Variants in MLN observed in about 807,000 individuals in gnomAD.
The protein encoded by MLN is promotilin.
MLN carries 14 observed loss-of-function variants against 13.3 expected under a neutral mutation model. That is an observed-to-expected ratio of 1.05 (90% CI 0.69 to 1.64). The LOEUF (loss-of-function observed/expected upper bound fraction) is 1.64, where lower values mean the gene tolerates loss of function less well. Ranked by LOEUF, MLN falls within the 40% of genes most tolerant of loss-of-function variation. MLN has a pLI of 0.00. For missense variants in MLN, 122 were observed against 142.9 expected (o/e 0.85, Z 0.75); for synonymous variants, 59 against 54.7 (o/e 1.08, Z -0.34).
chr6:33,797,040 G>A (rs1409312664), intron 3 of MLN, among the ~76,000 whole-genome samples: 1 of 152,208 alleles, frequency 6.6e-6, no homozygotes. Context: ...GATATGGGGG[G>A]AAAGGGGCCC....
chr6:33,802,559 C>G (rs990086584), intron 1 of MLN, among the ~76,000 whole-genome samples: 1 of 152,214 alleles, frequency 6.6e-6, no homozygotes, highest in Non-Finnish European at 1.5e-5. Context: ...CCCTACCACG[C>G]CAGACGCTCC....
intron 1 of MLN, among the ~76,000 whole-genome samples, chr6:33,801,687 A>G (rs1263603429): frequency 3.3e-5 from 5 of 152,184 alleles, no homozygotes; most frequent in Non-Finnish European, 7.4e-5. Context: ...AGCCTCTGCC[A>G]TTGCAAAGGA....
At chr6:33,796,014 CAGTGGCGCGATCTCGGCTCA>C (rs1228414884) in intron 3 of MLN, among the ~76,000 whole-genome samples, 1 of 143,752 alleles carries the variant, frequency 7.0e-6, no homozygotes, top group Admixed American at 7.3e-5. Flanking sequence ...GGCTGGAGTG[CAGTGGCGCGATCTCGGCTCA>C]CTGCAAGCTC....
At chr6:33,796,350 C>T (rs1767923329) in intron 3 of MLN, among the ~76,000 whole-genome samples, 1 of 151,324 alleles carries the variant, frequency 6.6e-6, no homozygotes, top group African/African-American at 2.5e-5. Flanking sequence ...ACGGTACACC[C>T]AAGGGGCCTG....
chr6:33,800,989 G>T, intron 2 of MLN, 58 bp downstream of exon 2: 1 of 1,325,418 alleles, frequency 7.5e-7, no homozygotes, highest in South Asian at 1.2e-5. Flanking sequence ...TGGTATCACC[G>T]GCATAGGTCA....
At chr6:33,800,980 G>A in intron 2 of MLN, 67 bp downstream of exon 2, 1 of 1,233,578 alleles carries the variant, frequency 8.1e-7, no homozygotes, top group Non-Finnish European at 1.2e-6. Context: ...CACTTTCCTT[G>A]GTATCACCGG....
chr6:33,801,202 G>A, intron 1 of MLN, 32 bp from the exon 2 acceptor site: 2 of 1,544,882 alleles, frequency 1.3e-6, no homozygotes, highest in Admixed American at 1.7e-5. Context: ...TTGTCACTAA[G>A]TTTGGGGTAC....
chr6:33,795,458 G>A, intron 4 of MLN, 45 bp downstream of exon 4: 1 of 1,471,598 alleles, frequency 6.8e-7, no homozygotes. Flanking sequence ...ACGCCAGGGT[G>A]GGCGGAGGCC....
intron 1 of MLN, among the ~76,000 whole-genome samples, chr6:33,802,153 G>A (rs1237194359): frequency 6.6e-6 from 1 of 152,172 alleles, no homozygotes; most frequent in African/African-American, 2.4e-5. Flanking sequence ...GAGGCCCAGT[G>A]CTTTTCCCAA....
At position 33,799,637 on chromosome 6, in the gene MLN, G is replaced by A. The variant is rs781780477; in HGVS notation, c.118-416C>T. On this transcript the variant is annotated intron_variant, in intron 2 of 4. Coordinates refer to ENST00000430124, the MANE Select transcript of MLN (RefSeq NM_002418.3). The surrounding 1 kb of genome is among the most constrained non-coding windows in gnomAD (Gnocchi z 4.6). ...CTGGGAGGGTGCCATGGGGTGGCCC[G>A]GGAACTCAGAGTCCCTGGGAGGTGA... Among the ~76,000 whole-genome samples the A allele has an allele frequency of 7.2e-5, 11 of 152,258 alleles. No homozygotes were observed. The highest frequency in any genetic ancestry group is 1.6e-4 in the Non-Finnish European group (11 of 68,018).
chr6:33,795,461 C>G, intron 4 of MLN, 42 bp downstream of exon 4: 1 of 1,499,730 alleles, frequency 6.7e-7, no homozygotes. Context: ...CCAGGGTGGG[C>G]GGAGGCCGGC....
chr6:33,799,111 C>T lies in MLN; in HGVS notation c.228G>A (p.Met76Ile). The change falls in exon 3 of 5, where the codon ATG (methionine) becomes ATA (isoleucine). Residue 76 changes from methionine (M) to isoleucine (I), a missense_variant. Transcript: ENST00000430124. The surrounding 1 kb of genome is among the most constrained non-coding windows in gnomAD (Gnocchi z 4.6). ...GTCCCAGTTGTCTGCTCACCTTGATCATTTCGTTTTCTTCTTCCCTGATGG... is the reference window on the plus strand; with the variant it reads ...GTCCCAGTTGTCTGCTCACCTTGATTATTTCGTTTTCTTCTTCCCTGATGG... ...AEPIREEENE[M>I]IKLTAPLEIG... 1.2e-6 allele frequency: 2 copies of T among 1,603,636 alleles called. No homozygotes were observed. Among genetic ancestry groups the T allele is most frequent in the Non-Finnish European group, 1.7e-6 (2 of 1,171,340 alleles).
In MLN at chr6:33,803,261, T is replaced by C. The variant is rs991802815; in HGVS notation, c.-8+692A>G. Among the ~76,000 whole-genome samples the C allele has an allele frequency of 1.3e-5, 2 of 151,914 alleles. No homozygotes were observed. The highest frequency in any genetic ancestry group is 4.8e-5 in the African/African-American group (2 of 41,370). On this transcript the variant is annotated intron_variant, in intron 1 of 4. Coordinates refer to ENST00000430124, the MANE Select transcript of MLN (RefSeq NM_002418.3). This position sits in a 1 kb window ranked among gnomAD's most constrained non-coding sequence, Gnocchi z 4.5. ...TGGCCGGGCTAGCCTTGCCTCCCCATGTGCTCTCCCTCGGGGTCAACTTTT... is the reference window on the plus strand; with the variant it reads ...TGGCCGGGCTAGCCTTGCCTCCCCACGTGCTCTCCCTCGGGGTCAACTTTT...
At chr6:33,796,311 G>A (rs78772024) in intron 3 of MLN, among the ~76,000 whole-genome samples, 1,985 of 151,800 alleles carry the variant, frequency 0.013, 32 homozygotes, top group African/African-American at 0.045. Context: ...GCTCAAGGCC[G>A]CACAGATGGT....
chr6:33,797,778 C>T (rs929866120), intron 3 of MLN, among the ~76,000 whole-genome samples: 4 of 152,118 alleles, frequency 2.6e-5, no homozygotes, highest in Admixed American at 6.5e-5. Context: ...TGCCTTTGTC[C>T]GGTCCCTTCA....
chr6:33,798,622 C>T (rs556124509), intron 3 of MLN, among the ~76,000 whole-genome samples: 2 of 152,336 alleles, frequency 1.3e-5, no homozygotes, highest in South Asian at 2.1e-4. Context: ...TCCCCAGTGG[C>T]GCTGCATGCA....
chr6:33,797,025 G>A (rs1393547419), intron 3 of MLN, among the ~76,000 whole-genome samples: 2 of 152,218 alleles, frequency 1.3e-5, no homozygotes, highest in Non-Finnish European at 2.9e-5. Flanking sequence ...AGGGAGTTCG[G>A]AGTGGATATG....
At chr6:33,795,724 G>T in intron 3 of MLN, 119 bp from the exon 4 acceptor site, 1 of 758,756 alleles carries the variant, frequency 1.3e-6, no homozygotes. Context: ...GACCCCACTA[G>T]AGCCTCTAGG....
chr6:33,795,072 C>G (rs1034817283), intron 4 of MLN, among the ~76,000 whole-genome samples: 2 of 152,210 alleles, frequency 1.3e-5, no homozygotes, highest in Non-Finnish European at 2.9e-5. Context: ...CTCCTGGGGA[C>G]TATGAGAAGT....
Sources: gnomAD v4.1 joint callset for allele counts (sites outside exome capture counted in the v4.1 genomes callset) on GRCh38, gnomAD v4.1.1 for gene constraint, Gnocchi (gnomAD v3.1) non-coding constraint, MANE v1.5 for transcripts, NCBI Gene and HGNC (gene_info 2026-07-23, HGNC 2026-07-21) for gene names.